The following PARPBP variants were observed in gnomAD, a reference collection of about 807,000 sequenced individuals.
The protein encoded by PARPBP is PCNA-interacting partner.
A neutral mutation model predicts 50.0 loss-of-function variants in PARPBP; 52 were observed. The observed-to-expected ratio is 1.04, with a 90% CI of 0.83 to 1.31. PARPBP has a LOEUF of 1.31. Ranked by LOEUF, PARPBP falls within the 50% of genes most tolerant of loss-of-function variation. The probability of loss-of-function intolerance (pLI) is 0.00; values close to 1 mark genes in which losing one functional copy is unlikely to be tolerated. For missense variants in PARPBP, 697 were observed against 672.0 expected, an observed-to-expected ratio of 1.04 and a Z score of -0.41; for synonymous variants, 244 against 232.1, an observed-to-expected ratio of 1.05 and a Z score of -0.47.
At position 102,139,124 on chromosome 12, in the gene PARPBP, G is replaced by C. The variant is rs1884139006; in HGVS notation, c.154-9106G>C. 2.0e-5 allele frequency among the ~76,000 whole-genome samples: 3 copies of C among 152,208 alleles called. No homozygotes were observed. In the South Asian group the frequency reaches 6.2e-4, roughly 32 times the overall value. ...ATTGATTCTTCCTGTCCATGAGCAT[G>C]GAATGTTCTTCCATTTGTCTGTGTC... is the stretch of plus-strand genomic sequence containing the variant. On this transcript the variant is annotated intron_variant, in intron 2 of 10. Transcript: ENST00000327680.
chr12:102,196,717 A>G lies in PARPBP; in HGVS notation c.*426A>G, dbSNP rs761407744. On this transcript the variant is annotated 3_prime_UTR_variant, in exon 11 of 11. Transcript: ENST00000327680. ...CATCTGAGCACTGAAGGAAGAAGAA[A>G]GTTTAAATTGTTTAAAGGACTATAA... 16 of 1,598,332 alleles carry G rather than the reference A, an allele frequency of 1.0e-5. No individual in the cohort carries two copies. The highest frequency in any genetic ancestry group is 1.4e-5 in the Non-Finnish European group (16 of 1,166,918).
At chr12:102,155,945 G>T (rs549737112) in intron 4 of PARPBP, among the ~76,000 whole-genome samples, 6 of 152,208 alleles carry the variant, frequency 3.9e-5, no homozygotes, top group Admixed American at 1.3e-4. Flanking sequence ...AACACTAGTC[G>T]CTGGGTTCCA....
chr12:102,191,273 G>A (rs1009713875), intron 9 of PARPBP, among the ~76,000 whole-genome samples: 5 of 152,228 alleles, frequency 3.3e-5, no homozygotes, highest in South Asian at 4.1e-4. Context: ...ATCATAAAAC[G>A]ATAATGCTAC....
At chr12:102,151,883 A>T (rs1356071020) in intron 3 of PARPBP, 5 of 999,450 alleles carry the variant, frequency 5.0e-6, no homozygotes, top group Non-Finnish European at 7.4e-6. Context: ...GAGAAGAAGG[A>T]ACCAGGGACC....
intron 6 of PARPBP, among the ~76,000 whole-genome samples, chr12:102,167,614 T>A (rs889604102): frequency 2.6e-5 from 4 of 152,180 alleles, no homozygotes; most frequent in Non-Finnish European, 5.9e-5. Flanking sequence ...ATCTTTTCTT[T>A]GGGACTTTCC....
chr12:102,158,100 G>A (rs920059527), intron 4 of PARPBP, among the ~76,000 whole-genome samples: 1 of 143,688 alleles, frequency 7.0e-6, no homozygotes, highest in African/African-American at 2.6e-5. Context: ...CAGCCTGGGA[G>A]GGAGTGCGAG....
At position 102,196,078 on chromosome 12, in the gene PARPBP, AAGGAAAC is replaced by A. The variant is rs1891291168; in HGVS notation, c.1531_1537del (p.Lys511TrpfsTer39). On this transcript the variant is annotated frameshift_variant, in exon 11 of 11. Transcript: ENST00000327680. LOFTEE classifies it low-confidence loss of function (END_TRUNC). ...GTCAGACAGGAAATAAAAGCTCAAA[AAGGAAAC>A]AGGTGGATTTGGATGGTGAAAATAT... is the stretch of plus-strand genomic sequence containing the variant. 1 of 1,612,180 alleles carries A rather than the reference AAGGAAAC, an allele frequency of 6.2e-7. No individual in the cohort carries two copies. The highest frequency in any genetic ancestry group is 8.5e-7 in the Non-Finnish European group (1 of 1,178,764).
chr12:102,161,912 G>GA (rs1887643943), intron 4 of PARPBP, among the ~76,000 whole-genome samples: 1 of 152,096 alleles, frequency 6.6e-6, no homozygotes, highest in South Asian at 2.1e-4. Context: ...TAATATGCAA[G>GA]AAAAAATCTT....
At chr12:102,146,888 C>A (rs1052721601) in intron 2 of PARPBP, among the ~76,000 whole-genome samples, 1 of 151,986 alleles carries the variant, frequency 6.6e-6, no homozygotes, top group South Asian at 2.1e-4. Flanking sequence ...ACAAACAACC[C>A]CATCAAAAAG....
intron 6 of PARPBP, among the ~76,000 whole-genome samples, chr12:102,171,071 G>C (rs1383761003): frequency 6.6e-6 from 1 of 151,358 alleles, no homozygotes. Flanking sequence ...ACCCCTGGAG[G>C]TGTCATCTCC....
intron 3 of PARPBP, chr12:102,149,146 G>A (rs994363622): frequency 1.3e-5 from 2 of 152,016 alleles, no homozygotes; most frequent in Admixed American, 6.6e-5. Flanking sequence ...TTAAATAGTG[G>A]CAATAAATAA....
At chr12:102,126,008 C>T (rs536704875) in intron 2 of PARPBP, among the ~76,000 whole-genome samples, 1 of 152,188 alleles carries the variant, frequency 6.6e-6, no homozygotes, top group African/African-American at 2.4e-5. Flanking sequence ...CAAAGATTAC[C>T]CAGAGAGATA....
chr12:102,167,342 G>T (rs1432549618), intron 6 of PARPBP, among the ~76,000 whole-genome samples: 1 of 152,068 alleles, frequency 6.6e-6, no homozygotes, highest in South Asian at 2.1e-4. Context: ...TATATTTAAT[G>T]TAAAAATATT....
Position 102,175,564 on chromosome 12 carries a change from A to G in PARPBP, c.903A>G (p.Ala301=). 1 of 1,613,084 alleles carries G rather than the reference A, an allele frequency of 6.2e-7. No homozygotes were observed. The highest frequency in any genetic ancestry group is 8.5e-7 in the Non-Finnish European group (1 of 1,179,068). The change falls in exon 7 of 11, where the codon GCA becomes GCG. Residue 301 remains alanine, a synonymous_variant. Transcript: ENST00000327680. ...GQNSRDPFCK[A]IEEVAQDLDL... is the part of the protein sequence containing the mutation. ...ACAGCAGGGATCCTTTTTGCAAAGC[A>G]ATAGAGGAAGTTGCTCAGGATTTGG...
chr12:102,139,419 C>A (rs1884195901), intron 2 of PARPBP, among the ~76,000 whole-genome samples: 4 of 152,212 alleles, frequency 2.6e-5, no homozygotes. Context: ...ACAATAATGT[C>A]ATCTGCAAAC....
Position 102,189,626 on chromosome 12 carries a change from A to C in PARPBP, c.1264-5686A>C, listed in dbSNP as rs916628256. ...AGAGATGAGAATAAATAGGATTTGA[A>C]TAGGCAGAGAGATTGAAATAGAGCA... On this transcript the variant is annotated intron_variant, in intron 9 of 10. Transcript: ENST00000327680. 2.1e-4 allele frequency among the ~76,000 whole-genome samples: 32 copies of C among 152,320 alleles called. 1 individual carries two copies. Among genetic ancestry groups the C allele is most frequent in the Admixed American group, 1.4e-3 (21 of 15,292 alleles).
chr12:102,120,606 A>G (rs988084532), intron 1 of PARPBP: 7 of 404,246 alleles, frequency 1.7e-5, no homozygotes, highest in Middle Eastern at 7.1e-4. Flanking sequence ...ACGGACTCCA[A>G]TTCCTCAACT....
intron 6 of PARPBP, among the ~76,000 whole-genome samples, chr12:102,173,871 T>C (rs1426722388): frequency 6.7e-6 from 1 of 148,244 alleles, no homozygotes; most frequent in East Asian, 2.0e-4. Flanking sequence ...TGGGTGGTAC[T>C]GGGAGATTTT....
chr12:102,178,337 A>C (rs1394654440), intron 7 of PARPBP, among the ~76,000 whole-genome samples: 1 of 152,208 alleles, frequency 6.6e-6, no homozygotes, highest in African/African-American at 2.4e-5. Context: ...TCTGACTCAA[A>C]GCCTAATGTT....
Sources: gnomAD v4.1 joint callset for allele counts (sites outside exome capture counted in the v4.1 genomes callset) on GRCh38, gnomAD v4.1.1 for gene constraint, MANE v1.5 for transcripts, NCBI Gene and HGNC (gene_info 2026-07-23, HGNC 2026-07-21) for gene names.